Variants in PCCA observed in about 807,000 individuals in gnomAD.
The protein encoded by PCCA is propionyl-CoA carboxylase subunit alpha.
A neutral mutation model predicts 101.3 loss-of-function variants in PCCA; 74 were observed. The ratio of observed to expected loss-of-function variants is 0.73; its 90% CI spans 0.61 to 0.89. PCCA has a LOEUF of 0.89. PCCA is among the 40% of genes least tolerant of loss of function. The pLI is 0.00. For missense variants in PCCA, 891 were observed against 907.0 expected (o/e 0.98, Z 0.23); for synonymous variants, 294 against 313.6 (o/e 0.94, Z 0.66).
chr13:100,264,266 CATATAT>C (rs1379919897), intron 10 of PCCA, among the ~76,000 whole-genome samples: 1 of 149,952 alleles, frequency 6.7e-6, no homozygotes, highest in Admixed American at 6.7e-5. Context: ...ATCTGTATCT[CATATAT>C]ATGTATATAT....
At chr13:100,389,839 TG>T (rs143834461) in intron 19 of PCCA, among the ~76,000 whole-genome samples, 1,572 of 152,242 alleles carry the variant, frequency 0.01, 34 homozygotes, top group African/African-American at 0.035. Context: ...CATGTGAAAG[TG>T]CCAGCCCTGA....
intron 6 of PCCA, among the ~76,000 whole-genome samples, chr13:100,182,879 T>G (rs185305824): frequency 7.2e-5 from 11 of 152,272 alleles, no homozygotes; most frequent in Non-Finnish European, 1.5e-4. Context: ...AGAGCAAGAT[T>G]ATGCCATTCA....
intron 7 of PCCA, among the ~76,000 whole-genome samples, chr13:100,224,832 T>C (rs1283785918): frequency 6.6e-6 from 1 of 152,116 alleles, no homozygotes. Flanking sequence ...GAAAACATCT[T>C]ATTGCAAAAG....
At chr13:100,313,767 A>G (rs1440254674) in intron 16 of PCCA, among the ~76,000 whole-genome samples, 1 of 152,208 alleles carries the variant, frequency 6.6e-6, no homozygotes, top group Non-Finnish European at 1.5e-5. Context: ...GGAGGTTAAA[A>G]GCAAGATAAA....
chr13:100,317,686 A>G (rs1221061305), intron 16 of PCCA, among the ~76,000 whole-genome samples: 1 of 152,150 alleles, frequency 6.6e-6, no homozygotes, highest in Non-Finnish European at 1.5e-5. Flanking sequence ...TCCAGGGTTC[A>G]GCTGATCCTC....
At chr13:100,382,830 AG>A (rs2076302732) in intron 19 of PCCA, among the ~76,000 whole-genome samples, 1 of 152,168 alleles carries the variant, frequency 6.6e-6, no homozygotes, top group African/African-American at 2.4e-5. Flanking sequence ...TTATAAGGGA[AG>A]GCAGAGTTGG....
chr13:100,529,984 G>A (rs1486012764), intron 23 of PCCA, 114 bp from the exon 24 acceptor site: 1 of 820,746 alleles, frequency 1.2e-6, no homozygotes, highest in Non-Finnish European at 2.1e-6. Context: ...TTGTCCCTGT[G>A]CTGCTGAGCT....
intron 4 of PCCA, among the ~76,000 whole-genome samples, chr13:100,138,559 A>G (rs1423103044): frequency 2.6e-5 from 4 of 151,936 alleles, no homozygotes; most frequent in Admixed American, 6.6e-5. Context: ...TTCTAATGTT[A>G]TTTTCCTTCT....
At chr13:100,255,731 G>GT (rs1405972077) in intron 8 of PCCA, among the ~76,000 whole-genome samples, 1 of 152,022 alleles carries the variant, frequency 6.6e-6, no homozygotes, top group African/African-American at 2.4e-5. Context: ...GCTTGTTATT[G>GT]TGAATGAGAC....
chr13:100,151,153 A>T, intron 4 of PCCA: 2 of 876,494 alleles, frequency 2.3e-6, no homozygotes, highest in East Asian at 2.6e-5. Context: ...TTTATTTTTT[A>T]AAAGTTAATA....
intron 4 of PCCA, among the ~76,000 whole-genome samples, chr13:100,121,484 TTC>T (rs1239887675): frequency 1.1e-4 from 15 of 139,716 alleles, no homozygotes; most frequent in Admixed American, 5.0e-4. Flanking sequence ...TTTTTTTTTT[TTC>T]TCTCTTGAGA....
chr13:100,478,665 C>G (rs572255328), intron 21 of PCCA, among the ~76,000 whole-genome samples: 1 of 152,318 alleles, frequency 6.6e-6, no homozygotes, highest in African/African-American at 2.4e-5. Flanking sequence ...GCCAGGCGTA[C>G]TGTAGCGGCC....
intron 12 of PCCA, 57 bp from the exon 13 acceptor site, chr13:100,301,403 G>T: frequency 6.3e-7 from 1 of 1,595,806 alleles, no homozygotes; most frequent in South Asian, 1.1e-5. Context: ...TTTCTTGTTT[G>T]TTTCTATTTA....
At chr13:100,449,948 T>A (rs1184779404) in intron 21 of PCCA, among the ~76,000 whole-genome samples, 4 of 152,240 alleles carry the variant, frequency 2.6e-5, no homozygotes, top group Non-Finnish European at 4.4e-5. Flanking sequence ...AACACAACTT[T>A]GCATTGTCAC....
chr13:100,196,124 A>T (rs2058089024), intron 6 of PCCA, among the ~76,000 whole-genome samples: 1 of 152,198 alleles, frequency 6.6e-6, no homozygotes, highest in Non-Finnish European at 1.5e-5. Flanking sequence ...AAATTTGAAA[A>T]GCTTACCAGG....
At chr13:100,323,317 C>CT (rs199524283) in intron 16 of PCCA, among the ~76,000 whole-genome samples, 286 of 146,630 alleles carry the variant, frequency 2.0e-3, no homozygotes, top group African/African-American at 4.3e-3. Context: ...GAGCTCCATT[C>CT]TTTTTTTTTT....
chr13:100,508,923 A>T (rs2086273388), intron 21 of PCCA, among the ~76,000 whole-genome samples: 1 of 152,022 alleles, frequency 6.6e-6, no homozygotes, highest in South Asian at 2.1e-4. Context: ...ATAATAACCT[A>T]AACCGTAAAC....
chr13:100,248,610 T>C (rs1270684494), intron 8 of PCCA, among the ~76,000 whole-genome samples: 1 of 152,234 alleles, frequency 6.6e-6, no homozygotes, highest in Non-Finnish European at 1.5e-5. Flanking sequence ...TTGAGATGTC[T>C]CTTCAAATCT....
chr13:100,198,957 G>A (rs2058303497), intron 6 of PCCA, among the ~76,000 whole-genome samples: 1 of 149,436 alleles, frequency 6.7e-6, no homozygotes. Context: ...CCTGGAAGAG[G>A]CTGGCAAACT....
Sources: gnomAD v4.1 joint callset for allele counts (sites outside exome capture counted in the v4.1 genomes callset) on GRCh38, gnomAD v4.1.1 for gene constraint, MANE v1.5 for transcripts, NCBI Gene and HGNC (gene_info 2026-07-23, HGNC 2026-07-21) for gene names.